AMMECR1: variants seen among roughly 807,000 people sequenced by gnomAD.
The protein encoded by AMMECR1 is AMMECR nuclear protein 1, also known as nuclear protein AMMECR1.
AMMECR1 carries 3 observed loss-of-function variants against 22.5 expected under a neutral mutation model. That is an observed-to-expected ratio of 0.13 (90% CI 0.06 to 0.35). The LOEUF is 0.35. Among genes scored for constraint, AMMECR1 ranks in the 10% least tolerant of loss-of-function variants. The probability of loss-of-function intolerance (pLI) is 1.00; values close to 1 mark genes in which losing one functional copy is unlikely to be tolerated. For missense variants in AMMECR1, 235 were observed against 278.7 expected, an observed-to-expected ratio of 0.84 and a Z score of 1.12; for synonymous variants, 130 against 116.7, an observed-to-expected ratio of 1.11 and a Z score of -0.74.
At chrX:110,300,776 T>C (rs1374095200) in intron 1 of AMMECR1, among the ~76,000 whole-genome samples, 1 of 112,354 alleles carries the variant, frequency 8.9e-6, no homozygotes, top group East Asian at 2.7e-4. Context: ...AGAGACATCA[T>C]GTTTACCCTG....
chrX:110,296,998 T>A (rs1003316188), intron 1 of AMMECR1, among the ~76,000 whole-genome samples: 9 of 111,545 alleles, frequency 8.1e-5, no homozygotes, highest in Admixed American at 4.8e-4. Flanking sequence ...AAATCAGATC[T>A]CTTCTCCCCT....
chrX:110,389,723 A>ATACCTGTTACAC (rs2068481971), intron 2 of AMMECR1, among the ~76,000 whole-genome samples: 1 of 110,659 alleles, frequency 9.0e-6, no homozygotes, highest in Non-Finnish European at 1.9e-5. Flanking sequence ...GGAAGGGAGA[A>ATACCTGTTACAC]AGTAGAAAGG....
At chrX:110,335,926 T>C (rs766828516) in intron 2 of AMMECR1, among the ~76,000 whole-genome samples, 1 of 111,761 alleles carries the variant, frequency 8.9e-6, no homozygotes, top group South Asian at 3.8e-4. Flanking sequence ...CTGAGTGCTA[T>C]AAGAAAAGTA....
At chrX:110,376,512 C>T (rs1368072617) in intron 2 of AMMECR1, among the ~76,000 whole-genome samples, 1 of 111,818 alleles carries the variant, frequency 8.9e-6, no homozygotes, top group Non-Finnish European at 1.9e-5. Flanking sequence ...TTAGAGGCTT[C>T]AGATGAGAGA....
intron 2 of AMMECR1, among the ~76,000 whole-genome samples, chrX:110,409,282 C>T (rs2068624790): frequency 9.0e-6 from 1 of 110,950 alleles, no homozygotes; most frequent in Admixed American, 9.5e-5. Context: ...TGCCTCAAAG[C>T]TAGAGCGTCC....
chrX:110,378,951 C>T (rs1025810693), intron 2 of AMMECR1, among the ~76,000 whole-genome samples: 8 of 110,943 alleles, frequency 7.2e-5, no homozygotes, highest in African/African-American at 9.9e-5. Flanking sequence ...CCCACTGCTG[C>T]GTCTGCCAGT....
At chrX:110,344,030 T>C (rs1290997309) in intron 2 of AMMECR1, among the ~76,000 whole-genome samples, 1 of 111,525 alleles carries the variant, frequency 9.0e-6, no homozygotes, top group Non-Finnish European at 1.9e-5. Context: ...GAGCCCGCAT[T>C]GCCAAATCAA....
chrX:110,207,535 G>A (rs762927047), intron 3 of AMMECR1, among the ~76,000 whole-genome samples: 1 of 109,703 alleles, frequency 9.1e-6, no homozygotes, highest in Non-Finnish European at 1.9e-5. Context: ...CCCCAAATCT[G>A]ATACTACCAA....
intron 1 of AMMECR1, among the ~76,000 whole-genome samples, chrX:110,288,836 T>C (rs2067893902): frequency 8.9e-6 from 1 of 112,305 alleles, no homozygotes; most frequent in Non-Finnish European, 1.9e-5. Context: ...TTTAAATGTG[T>C]CTAATCCCTC....
At chrX:110,307,143 G>C (rs960056452) in intron 1 of AMMECR1, 2 of 109,198 alleles carry the variant, frequency 1.8e-5, no homozygotes, top group African/African-American at 3.3e-5. Context: ...TACTTGGGAG[G>C]CTGAGGCGGG....
At chrX:110,429,365 G>T (rs1435535168) in intron 1 of AMMECR1, among the ~76,000 whole-genome samples, 1 of 110,113 alleles carries the variant, frequency 9.1e-6, no homozygotes, top group Non-Finnish European at 1.9e-5. Flanking sequence ...CTGCAAACCT[G>T]ATTTAAATCC....
chrX:110,258,450 C>G (rs1426221186), intron 2 of AMMECR1, among the ~76,000 whole-genome samples: 3 of 111,593 alleles, frequency 2.7e-5, no homozygotes, highest in African/African-American at 9.8e-5. Context: ...GTACAACAAC[C>G]TAGGTTCCAA....
chrX:110,303,326 C>T (rs979102745), intron 1 of AMMECR1, among the ~76,000 whole-genome samples: 3 of 111,525 alleles, frequency 2.7e-5, no homozygotes, highest in African/African-American at 6.5e-5. Flanking sequence ...TGACTTTTTC[C>T]CCCAGTTGTG....
In AMMECR1 at chrX:110,229,129, G is replaced by A. The variant is rs1030916541; in HGVS notation, c.585-12497C>T. Among the ~76,000 whole-genome samples, 5 of 112,329 alleles carry A rather than the reference G, an allele frequency of 4.5e-5. No homozygotes were observed. The East Asian group carries it at 8.3e-4, about 19-fold the overall frequency. On this transcript the variant is annotated intron_variant, in intron 2 of 5. Transcript: ENST00000262844. ...TTGATGTACTGCTAAAGTCTCATAC[G>A]TTAAGCAAACCTACTTTCCAATCTC...
intron 2 of AMMECR1, among the ~76,000 whole-genome samples, chrX:110,349,636 A>G (rs779802359): frequency 5.3e-5 from 6 of 112,157 alleles, no homozygotes; most frequent in African/African-American, 1.9e-4. Flanking sequence ...AATTGGAAGT[A>G]CATAAATGGA....
chrX:110,301,194 T>C (rs1403333754), intron 1 of AMMECR1, among the ~76,000 whole-genome samples: 2 of 112,656 alleles, frequency 1.8e-5, no homozygotes, highest in Admixed American at 9.4e-5. Flanking sequence ...TTCCCTGTCA[T>C]GTGTGTCCAT....
intron 1 of AMMECR1, among the ~76,000 whole-genome samples, chrX:110,286,485 C>T (rs2067880583): frequency 9.2e-6 from 1 of 108,940 alleles, no homozygotes; most frequent in South Asian, 4.1e-4. Flanking sequence ...CCCTGAGCAA[C>T]ATAGCAAAAA....
intron 2 of AMMECR1, among the ~76,000 whole-genome samples, chrX:110,324,858 A>G (rs963263556): frequency 2.7e-5 from 3 of 110,947 alleles, no homozygotes; most frequent in Non-Finnish European, 5.7e-5. Context: ...ATCATGGTAT[A>G]TAATTATTTT....
At chrX:110,206,909 C>T (rs2067424473) in intron 3 of AMMECR1, among the ~76,000 whole-genome samples, 3 of 111,855 alleles carry the variant, frequency 2.7e-5, no homozygotes, top group South Asian at 3.7e-4. Context: ...GTCAAAGAAT[C>T]GAAAGTTGTT....
Sources: allele counts gnomAD v4.1 joint callset (sites outside exome capture counted in the v4.1 genomes callset), GRCh38; gene constraint gnomAD v4.1.1; transcripts MANE v1.5; gene names NCBI Gene and HGNC (gene_info 2026-07-23, HGNC 2026-07-21).